The following PCSK5 variants were observed in gnomAD, a reference collection of about 807,000 sequenced individuals.
PCSK5 encodes proprotein convertase subtilisin/kexin type 5, also known as prohormone convertase 5.
In PCSK5, 129 loss-of-function variants were observed where a neutral mutation model predicts 233.2. That is an observed-to-expected ratio of 0.55 (90% CI 0.48 to 0.64). The LOEUF (loss-of-function observed/expected upper bound fraction) is 0.64, where lower values mean the gene tolerates loss of function less well. Among genes scored for constraint, PCSK5 ranks in the 30% least tolerant of loss-of-function variants. PCSK5 has a pLI of 0.00. For synonymous variants in PCSK5, 825 were observed against 879.2 expected, an observed-to-expected ratio of 0.94 and a Z score of 1.09; for missense variants, 2,076 against 2,430.1, an observed-to-expected ratio of 0.85 and a Z score of 3.06.
At chr9:76,112,570 A>G (rs149240706) in intron 9 of PCSK5, among the ~76,000 whole-genome samples, 46 of 152,120 alleles carry the variant, frequency 3.0e-4, no homozygotes, top group African/African-American at 9.4e-4. Context: ...TTTCCCTCCT[A>G]TTGCAAATTA....
At position 76,067,826 on chromosome 9, in the gene PCSK5, C is replaced by G. The variant is rs1394420630; in HGVS notation, c.633-129C>G. 9 of 698,810 alleles carry G rather than the reference C, an allele frequency of 1.3e-5. No individual in the cohort carries two copies. In the East Asian group the frequency reaches 2.3e-4, roughly 18 times the overall value. 43.3% of individuals were successfully genotyped at this position (698,810 alleles called of 1,614,324 possible). On this transcript the variant is annotated intron_variant, in intron 5 of 37. Transcript: ENST00000674117. The stretch of plus-strand genomic sequence containing the variant: ...TTTGCCATGGACAGACAAAGTGCTA[C>G]TTGGGAAGGAAGTTCCAGAAACACC...
At chr9:76,099,680 T>C (rs1587626821) in intron 8 of PCSK5, among the ~76,000 whole-genome samples, 2 of 152,148 alleles carry the variant, frequency 1.3e-5, no homozygotes, top group South Asian at 4.1e-4. Context: ...TGACAAATAA[T>C]CCTGTGTTGC....
intron 3 of PCSK5, among the ~76,000 whole-genome samples, chr9:76,000,049 A>C (rs1827198504): frequency 6.6e-6 from 1 of 152,206 alleles, no homozygotes; most frequent in East Asian, 1.9e-4. Flanking sequence ...TAATATTCAG[A>C]ATCTACAAAG....
At chr9:75,965,581 C>T (rs1378526767) in intron 2 of PCSK5, among the ~76,000 whole-genome samples, 1 of 152,152 alleles carries the variant, frequency 6.6e-6, no homozygotes, top group Non-Finnish European at 1.5e-5. Context: ...GAGTGATGCC[C>T]ACCCACATTG....
In PCSK5 at chr9:75,907,660, TG is replaced by T. The variant is rs144779826; in HGVS notation, c.192+16288del. 9.3e-4 allele frequency among the ~76,000 whole-genome samples: 142 copies of T among 152,314 alleles called. 3 individuals are homozygous for T. The East Asian group carries it at 0.025, about 27-fold the overall frequency. ...TATCCTAGGACTATTATTGCTTCTCTGTGGATCTTGGTGAACCCTAAGGATC... is the reference window on the plus strand; with the variant it reads ...TATCCTAGGACTATTATTGCTTCTCTTGGATCTTGGTGAACCCTAAGGATC... On this transcript the variant is annotated intron_variant, in intron 1 of 37. Coordinates refer to ENST00000674117, the MANE Select transcript of PCSK5 (RefSeq NM_001372043.1).
chr9:75,971,668 A>G (rs765061810), intron 2 of PCSK5, among the ~76,000 whole-genome samples: 16 of 152,084 alleles, frequency 1.1e-4, no homozygotes, highest in Non-Finnish European at 1.8e-4. Context: ...TATAATTTGC[A>G]TTTCTATAAT....
intron 35 of PCSK5, among the ~76,000 whole-genome samples, chr9:76,344,281 C>T (rs1829917090): frequency 1.3e-5 from 2 of 152,140 alleles, no homozygotes; most frequent in Admixed American, 1.3e-4. Flanking sequence ...CAGAGCTGCT[C>T]AGGTGGGAGC....
At chr9:76,275,248 T>A (rs578177010) in intron 24 of PCSK5, among the ~76,000 whole-genome samples, 1 of 152,336 alleles carries the variant, frequency 6.6e-6, no homozygotes, top group South Asian at 2.1e-4. Context: ...CTCTTCCTCC[T>A]GAAAAGTTTA....
In PCSK5 at chr9:76,355,495, A is replaced by G. The variant is rs1008084212; in HGVS notation, c.5254+1276A>G. ...CTCAAAAAAAGAAAAGAAAAGAAAA[A>G]AAAAGAAACATATATTCTTAAAATA... On this transcript the variant is annotated intron_variant, in intron 37 of 37. Transcript: ENST00000674117. Among the ~76,000 whole-genome samples the G allele has an allele frequency of 2.0e-5, 3 of 152,082 alleles. No individual in the cohort carries two copies. In the East Asian group the frequency reaches 5.8e-4, roughly 29 times the overall value.
At chr9:75,901,970 C>G (rs1254662112) in intron 1 of PCSK5, among the ~76,000 whole-genome samples, 1 of 152,014 alleles carries the variant, frequency 6.6e-6, no homozygotes, top group Non-Finnish European at 1.5e-5. Context: ...AATCCCAGCA[C>G]TTTGGGAGGC....
At chr9:76,302,664 C>G (rs2643333) in intron 28 of PCSK5, among the ~76,000 whole-genome samples, 119,605 of 152,092 alleles carry the variant, frequency 0.79, 47,319 homozygotes, top group East Asian at 0.95. Context: ...TACTATGGAG[C>G]CACCAAAAGG....
rs141126655 is a variant in PCSK5, at chr9:75,895,286, G to A, written c.192+3913G>A. On this transcript the variant is annotated intron_variant, in intron 1 of 37. Coordinates refer to ENST00000674117, the MANE Select transcript of PCSK5 (RefSeq NM_001372043.1). The stretch of plus-strand genomic sequence containing the variant: ...TAAAATGATAAATCTCTAGATAATA[G>A]AGTGAGTTAACTATGCATTGCTCAG... 5.5e-3 allele frequency among the ~76,000 whole-genome samples: 844 copies of A among 152,300 alleles called. 7 individuals are homozygous for A. Among genetic ancestry groups the A allele is most frequent in the Non-Finnish European group, 8.6e-3 (588 of 68,030 alleles).
chr9:76,307,790 C>T (rs1250800644), intron 28 of PCSK5, among the ~76,000 whole-genome samples: 1 of 151,600 alleles, frequency 6.6e-6, no homozygotes, highest in Non-Finnish European at 1.5e-5. Context: ...GTGACCCAAA[C>T]ATTGACCAAT....
chr9:76,092,951 A>G (rs1322600221), intron 7 of PCSK5, among the ~76,000 whole-genome samples: 5 of 152,200 alleles, frequency 3.3e-5, no homozygotes, highest in Non-Finnish European at 5.9e-5. Context: ...GAAGACTGAC[A>G]TAAAAAAGAA....
intron 24 of PCSK5, among the ~76,000 whole-genome samples, chr9:76,273,576 C>CATATATATATATATAT (rs34398269): frequency 6.8e-5 from 8 of 118,144 alleles, no homozygotes; most frequent in African/African-American, 2.4e-4. Context: ...TATATATATA[C>CATATATATATATATAT]ATATATATAT....
At chr9:76,265,413 G>GA (rs202227346) in intron 24 of PCSK5, among the ~76,000 whole-genome samples, 10 of 150,292 alleles carry the variant, frequency 6.7e-5, no homozygotes, top group Non-Finnish European at 8.9e-5. Flanking sequence ...GAAAAAAGGT[G>GA]AAAAAAAAAT....
At chr9:76,090,951 C>T (rs1367330054) in intron 7 of PCSK5, among the ~76,000 whole-genome samples, 2 of 142,658 alleles carry the variant, frequency 1.4e-5, no homozygotes, top group Admixed American at 1.4e-4. Context: ...ACCTAGATCC[C>T]TCGCATGCGT....
intron 32 of PCSK5, 51 bp downstream of exon 32, chr9:76,323,339 C>A (rs1248198752): frequency 2.9e-6 from 3 of 1,035,350 alleles, no homozygotes; most frequent in East Asian, 2.4e-5. Context: ...ATAGTTCCAG[C>A]CCCAGCCCCA....
intron 7 of PCSK5, 103 bp from the exon 8 acceptor site, chr9:76,095,787 C>T: frequency 2.1e-6 from 2 of 972,836 alleles, no homozygotes; most frequent in Non-Finnish European, 3.3e-6. Context: ...ATTAAGATAG[C>T]AACACACCCC....
Sources: allele counts gnomAD v4.1 joint callset (sites outside exome capture counted in the v4.1 genomes callset), GRCh38; gene constraint gnomAD v4.1.1; transcripts MANE v1.5; gene names NCBI Gene and HGNC (gene_info 2026-07-23, HGNC 2026-07-21).